TAFA1: variants seen among roughly 807,000 people sequenced by gnomAD.
The protein encoded by TAFA1 is TAFA chemokine like family member 1.
Under a neutral mutation model 18.5 loss-of-function variants are expected in TAFA1, and 4 were observed. The ratio of observed to expected loss-of-function variants is 0.22; its 90% CI spans 0.11 to 0.49. The LOEUF (loss-of-function observed/expected upper bound fraction) is 0.49. Ranked by LOEUF, TAFA1 falls within the 20% of genes least tolerant of loss-of-function variation. TAFA1 has a pLI of 0.98. For synonymous variants in TAFA1, 56 were observed against 55.2 expected (o/e 1.01, Z -0.06); for missense variants, 147 against 169.0 (o/e 0.87, Z 0.72).
At chr3:68,130,583 T>G (rs906040165) in intron 2 of TAFA1, among the ~76,000 whole-genome samples, 5 of 152,224 alleles carry the variant, frequency 3.3e-5, no homozygotes, top group African/African-American at 1.2e-4. Flanking sequence ...AGCTTCTCTT[T>G]TCTTAGAATA....
chr3:68,260,338 G>A (rs907471936), intron 2 of TAFA1, among the ~76,000 whole-genome samples: 31 of 152,010 alleles, frequency 2.0e-4, no homozygotes, highest in African/African-American at 7.5e-4. Flanking sequence ...AATTTGGTTT[G>A]CCAGTATTTT....
In TAFA1 at chr3:68,079,800, G is replaced by C. The variant is rs1378814860; in HGVS notation, c.118+73056G>C. Among the ~76,000 whole-genome samples the C allele has an allele frequency of 2.6e-5, 4 of 152,182 alleles. No individual in the cohort carries two copies. In the East Asian group the frequency reaches 7.7e-4, roughly 29 times the overall value. On this transcript the variant is annotated intron_variant, in intron 2 of 4. Transcript: ENST00000478136. ...AAAATGTATATTCTGTTGATTTGGG[G>C]TGGAGAGCTCTGTAGATGTCTATTA...
intron 2 of TAFA1, among the ~76,000 whole-genome samples, chr3:68,402,510 G>A (rs991476260): frequency 1.1e-4 from 17 of 152,140 alleles, no homozygotes; most frequent in South Asian, 6.2e-4. Flanking sequence ...ACTGTCAAAA[G>A]GGGGAGTAAT....
At chr3:68,268,822 T>A (rs1373907531) in intron 2 of TAFA1, among the ~76,000 whole-genome samples, 6 of 152,162 alleles carry the variant, frequency 3.9e-5, no homozygotes, top group Admixed American at 3.9e-4. Context: ...TGGGTAATCA[T>A]GATAATTAAA....
chr3:68,065,452 G>A (rs1371320517), intron 2 of TAFA1, among the ~76,000 whole-genome samples: 2 of 152,096 alleles, frequency 1.3e-5, no homozygotes, highest in South Asian at 2.1e-4. Flanking sequence ...CGTAATGAAC[G>A]ACTGATAGGG....
chr3:68,226,965 A>G (rs915940981), intron 2 of TAFA1, among the ~76,000 whole-genome samples: 1 of 152,192 alleles, frequency 6.6e-6, no homozygotes, highest in Non-Finnish European at 1.5e-5. Context: ...AAGGGTACGT[A>G]GCCTTGGCCG....
At chr3:68,479,697 A>C (rs2072191227) in intron 3 of TAFA1, among the ~76,000 whole-genome samples, 1 of 152,220 alleles carries the variant, frequency 6.6e-6, no homozygotes, top group African/African-American at 2.4e-5. Flanking sequence ...AGGTATTTCC[A>C]ACATTTTTCA....
At chr3:68,305,423 ATATAT>A (rs2068394395) in intron 2 of TAFA1, among the ~76,000 whole-genome samples, 6 of 94,298 alleles carry the variant, frequency 6.4e-5, no homozygotes, top group East Asian at 3.1e-4. Flanking sequence ...ATATATATAT[ATATAT>A]ATATATATAT....
Position 68,084,329 on chromosome 3 carries a change from T to A in TAFA1, c.118+77585T>A, listed in dbSNP as rs2064944092. On this transcript the variant is annotated intron_variant, in intron 2 of 4. Transcript: ENST00000478136. Reference sequence around the variant, plus strand: ...CATCCAGCTTAGAAAAGATAAGAATTTCTCTTTATGTATGTCTTTGTTGTA... The same window carrying A: ...CATCCAGCTTAGAAAAGATAAGAATATCTCTTTATGTATGTCTTTGTTGTA... 2.0e-5 allele frequency among the ~76,000 whole-genome samples: 3 copies of A among 152,150 alleles called. 1 individual carries two copies. In the South Asian group the frequency reaches 6.2e-4, roughly 32 times the overall value.
chr3:68,149,315 T>A (rs1197035032), intron 2 of TAFA1, among the ~76,000 whole-genome samples: 1 of 152,226 alleles, frequency 6.6e-6, no homozygotes, highest in Non-Finnish European at 1.5e-5. Context: ...ATTTCACAGA[T>A]AAATAAATTG....
rs552670646 is a variant in TAFA1 at position 68,311,596 on chromosome 3, A to T, written c.119-105684A>T. On this transcript the variant is annotated intron_variant, in intron 2 of 4. Transcript: ENST00000478136. ...AGTCAAATCTTAAAGCTCCAAAATGATCTCCTTTGACTCCATGTCTCACAT... is the reference window on the plus strand; with the variant it reads ...AGTCAAATCTTAAAGCTCCAAAATGTTCTCCTTTGACTCCATGTCTCACAT... Among the ~76,000 whole-genome samples, 27 of 152,312 alleles carry T rather than the reference A, an allele frequency of 1.8e-4. No individual in the cohort carries two copies. In the South Asian group the frequency reaches 5.6e-3, roughly 32 times the overall value.
intron 2 of TAFA1, among the ~76,000 whole-genome samples, chr3:68,234,546 G>A (rs2066906391): frequency 6.6e-6 from 1 of 152,122 alleles, no homozygotes; most frequent in African/African-American, 2.4e-5. Context: ...CCAACATGCT[G>A]TGCACCCACA....
chr3:68,101,041 C>T (rs7373559), intron 2 of TAFA1, among the ~76,000 whole-genome samples: 137,883 of 152,216 alleles, frequency 0.91, 62,644 homozygotes, highest in South Asian at 0.95. Flanking sequence ...CAAGAGTACA[C>T]GTGCAGGTTT....
intron 2 of TAFA1, among the ~76,000 whole-genome samples, chr3:68,260,847 G>T (rs1173839959): frequency 6.6e-6 from 1 of 152,044 alleles, no homozygotes; most frequent in Middle Eastern, 3.2e-3. Context: ...TACCATTCAG[G>T]ACATAGGCAT....
chr3:68,178,140 TC>T (rs1029491115), intron 2 of TAFA1, among the ~76,000 whole-genome samples: 2 of 141,832 alleles, frequency 1.4e-5, no homozygotes, highest in Non-Finnish European at 1.6e-5. Flanking sequence ...CGAGACTCCA[TC>T]CCCCCCTCCC....
At chr3:68,063,235 T>G (rs548737719) in intron 2 of TAFA1, among the ~76,000 whole-genome samples, 1 of 152,252 alleles carries the variant, frequency 6.6e-6, no homozygotes, top group South Asian at 2.1e-4. Flanking sequence ...ATATGTAAAA[T>G]AAACTCAGGG....
At chr3:68,334,779 C>A (rs1403896782) in intron 2 of TAFA1, among the ~76,000 whole-genome samples, 1 of 152,004 alleles carries the variant, frequency 6.6e-6, no homozygotes, top group Non-Finnish European at 1.5e-5. Flanking sequence ...GATATGGGTT[C>A]CTCAGGGACC....
At chr3:68,343,912 C>T (rs183059681) in intron 2 of TAFA1, among the ~76,000 whole-genome samples, 12 of 152,308 alleles carry the variant, frequency 7.9e-5, no homozygotes, top group African/African-American at 2.4e-4. Flanking sequence ...GTCATGATCT[C>T]GGCTCACCGC....
intron 2 of TAFA1, among the ~76,000 whole-genome samples, chr3:68,408,427 A>T (rs2070652856): frequency 6.6e-6 from 1 of 152,208 alleles, no homozygotes; most frequent in Non-Finnish European, 1.5e-5. Context: ...TAGAAGGTAT[A>T]TTGGAAGTTC....
Sources: allele counts gnomAD v4.1 joint callset (sites outside exome capture counted in the v4.1 genomes callset), GRCh38; gene constraint gnomAD v4.1.1; transcripts MANE v1.5; gene names NCBI Gene and HGNC (gene_info 2026-07-23, HGNC 2026-07-21).